Variants in MAGI2 observed in about 807,000 individuals in gnomAD.
MAGI2 encodes the protein membrane associated guanylate kinase, WW and PDZ domain containing 2, also known as membrane-associated guanylate kinase, WW and PDZ domain-containing protein 2.
A neutral mutation model predicts 133.3 loss-of-function variants in MAGI2; 35 were observed. That is an observed-to-expected ratio of 0.26 (90% confidence interval 0.20 to 0.35). The LOEUF is 0.35. Ranked by LOEUF, MAGI2 falls within the 10% of genes least tolerant of loss-of-function variation. The pLI is 1.00. For missense variants in MAGI2, 1,636 were observed against 1,863.4 expected, an observed-to-expected ratio of 0.88 and a Z score of 2.25; for synonymous variants, 729 against 710.6, an observed-to-expected ratio of 1.03 and a Z score of -0.41.
chr7:78,149,822 C>T (rs1823697014), intron 16 of MAGI2, among the ~76,000 whole-genome samples: 1 of 152,096 alleles, frequency 6.6e-6, no homozygotes, highest in Non-Finnish European at 1.5e-5. Flanking sequence ...CATCAGGTAC[C>T]CAACATCTGG....
chr7:79,228,755 C>G (rs887699014), intron 1 of MAGI2, among the ~76,000 whole-genome samples: 1 of 152,134 alleles, frequency 6.6e-6, no homozygotes, highest in Admixed American at 6.6e-5. Context: ...TAGTTGGTCA[C>G]CCAGTTGAGC....
intron 1 of MAGI2, among the ~76,000 whole-genome samples, chr7:79,437,293 C>T (rs1269243302): frequency 6.6e-6 from 1 of 151,958 alleles, no homozygotes; most frequent in Admixed American, 6.6e-5. Flanking sequence ...ACCTCAGCAA[C>T]ACACAATATA....
intron 7 of MAGI2, chr7:78,351,950 C>T (rs1376577669): frequency 6.6e-6 from 1 of 152,156 alleles, no homozygotes; most frequent in Non-Finnish European, 1.5e-5. Context: ...AGCCCCTGCA[C>T]ATCCTAGGTA....
Position 79,028,257 on chromosome 7 carries a change from A to G in MAGI2, c.302-21051T>C, listed in dbSNP as rs1210071386. Among the ~76,000 whole-genome samples, 36 of 22,292 alleles carry G rather than the reference A, an allele frequency of 1.6e-3. 1 individual carries two copies. Among genetic ancestry groups the G allele is most frequent in the African/African-American group, 4.7e-3 (36 of 7,638 alleles). The allele number at this position is 22,292 out of a possible 152,430, so 14.6% of individuals were successfully genotyped here. A position where few individuals can be genotyped will look rare whatever the true frequency, so the allele number is the denominator to read the frequency against. On this transcript the variant is annotated intron_variant, in intron 1 of 21. Coordinates refer to ENST00000354212, the MANE Select transcript of MAGI2 (RefSeq NM_012301.4). ...TATGTATATATATATATATATATAT[A>G]TATATATATATGTATGTATGTATAT...
intron 3 of MAGI2, among the ~76,000 whole-genome samples, chr7:78,527,006 CAAAAA>C (rs55707442): frequency 0.055 from 2,413 of 44,214 alleles, 5 homozygotes; most frequent in African/African-American, 0.11. Context: ...GACTCCATCT[CAAAAA>C]AAAAAAAAAA....
At chr7:78,154,859 G>A (rs1298129294) in intron 16 of MAGI2, among the ~76,000 whole-genome samples, 1 of 152,126 alleles carries the variant, frequency 6.6e-6, no homozygotes, top group Non-Finnish European at 1.5e-5. Flanking sequence ...TTTGAGTAGG[G>A]AGGACCAAGG....
chr7:79,228,362 A>AAAAAAAAAAAAAAAAAAAAAAAC (rs1554411007), intron 1 of MAGI2, among the ~76,000 whole-genome samples: 1 of 146,436 alleles, frequency 6.8e-6, no homozygotes, highest in Non-Finnish European at 1.5e-5. Flanking sequence ...GGCAAAAAAA[A>AAAAAAAAAAAAAAAAAAAAAAAC]AAAAAAAAGA....
chr7:79,179,551 A>G (rs1370466276), intron 1 of MAGI2, among the ~76,000 whole-genome samples: 1 of 152,068 alleles, frequency 6.6e-6, no homozygotes, highest in African/African-American at 2.4e-5. Context: ...GTAATAAAAC[A>G]GCATGGTATT....
chr7:78,613,901 G>A (rs1806762367), intron 3 of MAGI2, among the ~76,000 whole-genome samples: 1 of 152,062 alleles, frequency 6.6e-6, no homozygotes, highest in Non-Finnish European at 1.5e-5. Context: ...TTGAGGTCAG[G>A]AGTTTGAGAC....
intron 2 of MAGI2, among the ~76,000 whole-genome samples, chr7:78,957,180 G>A (rs1802450317): frequency 6.7e-6 from 1 of 148,616 alleles, no homozygotes; most frequent in African/African-American, 2.5e-5. Context: ...CAGAAGAATT[G>A]CTTGAACCCG....
intron 3 of MAGI2, among the ~76,000 whole-genome samples, chr7:78,595,349 G>A (rs1215811864): frequency 3.3e-5 from 5 of 152,158 alleles, no homozygotes; most frequent in Non-Finnish European, 5.9e-5. Flanking sequence ...TTTGACTTCA[G>A]TATAAAATTA....
intron 2 of MAGI2, among the ~76,000 whole-genome samples, chr7:78,697,909 C>CT (rs1279850213): frequency 6.6e-5 from 10 of 152,008 alleles, no homozygotes; most frequent in Non-Finnish European, 1.0e-4. Context: ...AAAAGTATAC[C>CT]TATTCACTTC....
intron 1 of MAGI2, among the ~76,000 whole-genome samples, chr7:79,213,542 T>C (rs1829697430): frequency 6.6e-6 from 1 of 152,030 alleles, no homozygotes; most frequent in African/African-American, 2.4e-5. Context: ...GACTTTTTGG[T>C]GGTTAATTTT....
At chr7:79,250,735 GA>G (rs535827562) in intron 1 of MAGI2, among the ~76,000 whole-genome samples, 6 of 149,820 alleles carry the variant, frequency 4.0e-5, no homozygotes, top group Admixed American at 1.3e-4. Context: ...ACAGAAATAG[GA>G]AAAAAAAATA....
chr7:79,175,025 A>C (rs1423238818), intron 1 of MAGI2, among the ~76,000 whole-genome samples: 1 of 151,900 alleles, frequency 6.6e-6, no homozygotes, highest in Non-Finnish European at 1.5e-5. Context: ...AAGTTGTCTG[A>C]AATATGCACC....
intron 1 of MAGI2, among the ~76,000 whole-genome samples, chr7:79,061,548 T>C (rs1490264380): frequency 6.6e-6 from 1 of 152,048 alleles, no homozygotes; most frequent in African/African-American, 2.4e-5. Flanking sequence ...CTCTGAAGTT[T>C]TTTTTGAGGC....
chr7:79,433,110 G>C (rs1409865144), intron 1 of MAGI2, among the ~76,000 whole-genome samples: 1 of 152,160 alleles, frequency 6.6e-6, no homozygotes, highest in African/African-American at 2.4e-5. Context: ...CTTCGGAACA[G>C]ACTACATTTT....
intron 2 of MAGI2, among the ~76,000 whole-genome samples, chr7:78,783,939 A>T (rs923355324): frequency 2.0e-5 from 3 of 152,252 alleles, no homozygotes; most frequent in Non-Finnish European, 2.9e-5. Flanking sequence ...TTTAAAGAAT[A>T]CGGAAACACC....
intron 2 of MAGI2, among the ~76,000 whole-genome samples, chr7:78,823,179 T>A (rs191276479): frequency 6.6e-6 from 1 of 152,210 alleles, no homozygotes; most frequent in Non-Finnish European, 1.5e-5. Flanking sequence ...AAGTTCGTAG[T>A]AGGTAGATCC....
Sources: gnomAD v4.1 joint callset for allele counts (sites outside exome capture counted in the v4.1 genomes callset) on GRCh38, gnomAD v4.1.1 for gene constraint, MANE v1.5 for transcripts, NCBI Gene and HGNC (gene_info 2026-07-23, HGNC 2026-07-21) for gene names.